The following C16orf96 variants were observed in gnomAD, a reference collection of about 807,000 sequenced individuals.
The protein encoded by C16orf96 is chromosome 16 open reading frame 96, also known as uncharacterized protein C16orf96.
C16orf96 carries 108 observed loss-of-function variants against 103.6 expected under a neutral mutation model. The ratio of observed to expected loss-of-function variants is 1.04; its 90% CI spans 0.89 to 1.22. The LOEUF (loss-of-function observed/expected upper bound fraction) is 1.22, where lower values mean the gene tolerates loss of function less well. Ranked by LOEUF, C16orf96 falls within the 50% of genes most tolerant of loss-of-function variation. The pLI, the probability that C16orf96 is intolerant of heterozygous loss-of-function variation, is 0.00. For synonymous variants in C16orf96, 566 were observed against 593.5 expected (o/e 0.95, Z 0.67); for missense variants, 1,586 against 1,464.2 (o/e 1.08, Z -1.36).
the C16orf96 span, among the ~76,000 whole-genome samples, chr16:4,539,143 G>A: frequency 6.6e-6 from 1 of 152,144 alleles, no homozygotes; most frequent in Non-Finnish European, 1.5e-5. Flanking sequence ...AACTGCCTTT[G>A]CAAAAATTAC....
At position 4,599,305 on chromosome 16, in the gene C16orf96, C is replaced by T. The variant is rs187511219; in HGVS notation, c.3149C>T (p.Pro1050Leu). ...ELAAVKAPSP[P>L]SQSLYDRVHS... ...TAAGCTGTGAAGGCTCCATCTCCCC[C>T]GTCACAAAGCCTGTATGACCGTGTG... The change falls in exon 15 of 16, where the codon CCG becomes CTG. Residue 1050 changes from proline to leucine, a missense_variant. Coordinates refer to ENST00000444310, the MANE Select transcript of C16orf96 (RefSeq NM_001145011.2). The T allele has an allele frequency of 6.6e-4, 1,024 of 1,551,616 alleles. 2 individuals carry two copies. Among genetic ancestry groups the T allele is most frequent in the Non-Finnish European group, 8.2e-4 (945 of 1,146,944 alleles).
At chr16:4,572,319 A>ATTTTTT (rs1407889077) in intron 2 of C16orf96, among the ~76,000 whole-genome samples, 1 of 5,658 alleles carries the variant, frequency 1.8e-4, no homozygotes, top group Non-Finnish European at 9.2e-4. Context: ...TTTTTTTTTG[A>ATTTTTT]GATGGAGTCT....
upstream of C16orf96, among the ~76,000 whole-genome samples, chr16:4,555,896 A>G (rs1474117786): frequency 2.7e-5 from 4 of 149,806 alleles, no homozygotes; most frequent in Non-Finnish European, 4.4e-5. Context: ...ACAGGGTCTC[A>G]CTATGTTGCC....
At chr16:4,564,859 G>A (rs1374131678) in intron 1 of C16orf96, among the ~76,000 whole-genome samples, 2 of 152,146 alleles carry the variant, frequency 1.3e-5, no homozygotes, top group Non-Finnish European at 2.9e-5. Flanking sequence ...TAACTATTTT[G>A]TAACATTGCT....
At chr16:4,579,171 C>G in intron 6 of C16orf96, 146 bp downstream of exon 6, 1 of 718,950 alleles carries the variant, frequency 1.4e-6, no homozygotes, top group Non-Finnish European at 2.3e-6. Context: ...GCGAAGGCAG[C>G]TGCTGCCTCT....
Position 4,575,772 on chromosome 16 carries a change from G to A in C16orf96, c.1292G>A (p.Gly431Asp). 1 of 1,549,960 alleles carries A rather than the reference G, an allele frequency of 6.5e-7. No individual in the cohort carries two copies. The highest frequency in any genetic ancestry group is 8.7e-7 in the Non-Finnish European group (1 of 1,146,616). The change falls in exon 5 of 16, where the codon GGC becomes GAC. Residue 431 changes from glycine (G) to aspartate (D), a missense_variant. Coordinates refer to ENST00000444310, the MANE Select transcript of C16orf96 (RefSeq NM_001145011.2). ...GCCCCACCACCAGCCACTGAGTTTG[G>A]CTCATTGTGGCCTCGACCACTCCAG... is the stretch of plus-strand genomic sequence containing the variant. ...SRAPPPATEF[G>D]SLWPRPLQPY...
At chr16:4,580,299 C>T (rs2059567826) in intron 7 of C16orf96, among the ~76,000 whole-genome samples, 174 bp downstream of exon 7, 3 of 97,418 alleles carry the variant, frequency 3.1e-5, no homozygotes, top group Non-Finnish European at 5.0e-5. Flanking sequence ...GAAAAGCAAA[C>T]GAATCCCACC....
intron 1 of C16orf96, among the ~76,000 whole-genome samples, chr16:4,559,422 A>G (rs2059303953): frequency 6.6e-6 from 1 of 150,462 alleles, no homozygotes; most frequent in Non-Finnish European, 1.5e-5. Flanking sequence ...ATGGTGGCGC[A>G]TGCCTGGAAT....
Position 4,593,083 on chromosome 16 carries a change from G to C in C16orf96, c.2775-141G>C. ...CCCCTTCTACTTCTATGCTGTGGACGCTTCTGGCATTCGAGGGTGGTGACC... is the reference window on the plus strand; with the variant it reads ...CCCCTTCTACTTCTATGCTGTGGACCCTTCTGGCATTCGAGGGTGGTGACC... On this transcript the variant is annotated intron_variant, in intron 11 of 15. Coordinates refer to ENST00000444310, the MANE Select transcript of C16orf96 (RefSeq NM_001145011.2). The surrounding 1 kb of genome is among the most constrained non-coding windows in gnomAD (Gnocchi z 4.2). 1.4e-6 allele frequency: 1 copy of C among 734,100 alleles called. No homozygotes were observed. Among genetic ancestry groups the C allele is most frequent in the Non-Finnish European group, 2.3e-6 (1 of 434,618 alleles). 45.5% of individuals were successfully genotyped at this position (734,100 alleles called of 1,614,324 possible).
At chr16:4,560,451 T>C (rs55640233) in intron 1 of C16orf96, 5 of 152,184 alleles carry the variant, frequency 3.3e-5, no homozygotes, top group Admixed American at 1.3e-4. Context: ...CCACCCGCCT[T>C]GGCCTCCCAA....
Position 4,575,402 on chromosome 16 carries a change from C to T in C16orf96, c.922C>T (p.Gln308Ter). Residue 308 changes from glutamine to a stop codon, truncating the protein, a stop_gained, in exon 5 of 16, where the codon CAG becomes TAG. Transcript: ENST00000444310. LOFTEE classifies it high-confidence loss of function. Reference protein sequence around the residue: ...VSLSRAQEPAQPPALTPESAP... With the variant: ...VSLSRAQEPA ...ACTCAGCAGAGCCCAGGAGCCAGCG[C>T]AGCCTCCGGCCCTCACGCCTGAGTC... is the stretch of plus-strand genomic sequence containing the variant. 1.9e-6 allele frequency: 3 copies of T among 1,550,560 alleles called. No homozygotes were observed. The highest frequency in any genetic ancestry group is 2.6e-6 in the Non-Finnish European group (3 of 1,146,884).
Position 4,556,385 on chromosome 16 carries a change from C to A in C16orf96, c.-105C>A. ...CTGACTGCTGTGACTCACCACCACC[C>A]CAGGCCTCTGAGGACCAGTCCATGT... On this transcript the variant is annotated 5_prime_UTR_variant, in exon 1 of 16. Transcript: ENST00000444310. 1 of 1,220,554 alleles carries A rather than the reference C, an allele frequency of 8.2e-7. No individual in the cohort carries two copies. Among genetic ancestry groups the A allele is most frequent in the Non-Finnish European group, 1.1e-6 (1 of 901,622 alleles). The allele number at this position is 1,220,554 out of a possible 1,614,324, so 75.6% of individuals were successfully genotyped here.
rs781485499 is a variant in C16orf96, at chr16:4,579,072, T to G, written c.2241+47T>G. On this transcript the variant is annotated intron_variant, in intron 6 of 15. Transcript: ENST00000444310. ...CTTTTGAGGCAGTGATGGCTTGAGGTGAGCTGGCTGAAGACTCCTTGACTC... is the reference window on the plus strand; with the variant it reads ...CTTTTGAGGCAGTGATGGCTTGAGGGGAGCTGGCTGAAGACTCCTTGACTC... The G allele has an allele frequency of 2.0e-6, 3 of 1,502,668 alleles. No homozygotes were observed. In the South Asian group the frequency reaches 3.6e-5, roughly 18 times the overall value. 93.1% of individuals were successfully genotyped at this position (1,502,668 alleles called of 1,614,324 possible). A position where few individuals can be genotyped will look rare whatever the true frequency, so the allele number is the denominator to read the frequency against.
At chr16:4,581,726 T>C (rs997546596) in intron 7 of C16orf96, among the ~76,000 whole-genome samples, 2 of 151,930 alleles carry the variant, frequency 1.3e-5, no homozygotes. Context: ...AAACCTGTAA[T>C]GAGGGAGGAT....
intron 7 of C16orf96, among the ~76,000 whole-genome samples, chr16:4,586,110 C>T (rs188834913): frequency 6.6e-5 from 10 of 152,140 alleles, no homozygotes; most frequent in Non-Finnish European, 1.2e-4. Context: ...AAATACAAAA[C>T]TTAGCCAGGC....
chr16:4,573,766 A>G lies in C16orf96; in HGVS notation c.526-943A>G, dbSNP rs1016521014. On this transcript the variant is annotated intron_variant, in intron 2 of 15. Transcript: ENST00000444310. ...GACTCTGTCTCAAAAAAAAAAAAAA[A>G]AGAAAAAAGAAAAGAAAAACAATGC... Among the ~76,000 whole-genome samples, 139 of 150,874 alleles carry G rather than the reference A, an allele frequency of 9.2e-4. 3 individuals are homozygous for G. Among genetic ancestry groups the G allele is most frequent in the East Asian group, 1.2e-3 (6 of 5,104 alleles).
the C16orf96 span, among the ~76,000 whole-genome samples, chr16:4,548,833 G>C: frequency 6.8e-6 from 1 of 147,420 alleles, no homozygotes; most frequent in Non-Finnish European, 1.5e-5. Context: ...AGGTTGCAAT[G>C]TCACGCCATT....
intron 1 of C16orf96, among the ~76,000 whole-genome samples, chr16:4,571,299 C>T (rs2059435649): frequency 6.6e-6 from 1 of 152,146 alleles, no homozygotes; most frequent in South Asian, 2.1e-4. Context: ...GAAGAAAGGG[C>T]GTGAGATGCT....
chr16:4,596,144 G>C (rs1897166528), intron 14 of C16orf96, among the ~76,000 whole-genome samples: 1 of 152,150 alleles, frequency 6.6e-6, no homozygotes, highest in Admixed American at 6.5e-5. Flanking sequence ...ACCACAAGCA[G>C]GGTGGCTTAA....
Sources: allele counts gnomAD v4.1 joint callset (sites outside exome capture counted in the v4.1 genomes callset), GRCh38; gene constraint gnomAD v4.1.1; non-coding constraint Gnocchi (gnomAD v3.1); transcripts MANE v1.5; gene names NCBI Gene and HGNC (gene_info 2026-07-23, HGNC 2026-07-21).